The following EPHA2 variants were observed in gnomAD, a reference collection of about 807,000 sequenced individuals.
EPHA2 encodes the protein EPH receptor A2, also known as ephrin type-A receptor 2.
A neutral mutation model predicts 104.9 loss-of-function variants in EPHA2; 54 were observed. The ratio of observed to expected loss-of-function variants is 0.51; its 90% CI spans 0.41 to 0.65. EPHA2 has a LOEUF of 0.65. EPHA2 is among the 30% of genes least tolerant of loss of function. The pLI, the probability that EPHA2 is intolerant of heterozygous loss-of-function variation, is 0.00. For missense variants in EPHA2, 1,117 were observed against 1,369.5 expected, an observed-to-expected ratio of 0.82 and a Z score of 2.91; for synonymous variants, 560 against 559.1, an observed-to-expected ratio of 1.00 and a Z score of -0.02.
intron 9 of EPHA2, 120 bp downstream of exon 9, chr1:16,133,740 C>T: frequency 6.7e-7 from 1 of 1,485,804 alleles, no homozygotes; most frequent in East Asian, 2.5e-5. Flanking sequence ...CTCAGAGCTG[C>T]CCACGGAAGC....
Position 16,133,192 on chromosome 1 carries a change from C to T in EPHA2, c.2041G>A (p.Val681Ile), listed in dbSNP as rs140398645. ...SHHNIIRLEG[V>I]ISKYKPMMII... ...CCCCAAGCCTCACATTTGGAGATGACGCCCTCTAGGCGGATGATGTTGTGG... is the reference window on the plus strand; with the variant it reads ...CCCCAAGCCTCACATTTGGAGATGATGCCCTCTAGGCGGATGATGTTGTGG... Residue 681 changes from valine (V) to isoleucine (I), a missense_variant, in exon 11 of 17, where the codon GTC becomes ATC. Val to Ile is a conservative substitution (Grantham distance 29). This residue lies in a region of EPHA2 where 340 missense variants were observed against 480.5 expected (regional missense o/e 0.71). Coordinates refer to ENST00000358432, the MANE Select transcript of EPHA2 (RefSeq NM_004431.5). 9 of 1,613,312 alleles carry T rather than the reference C, an allele frequency of 5.6e-6. No individual in the cohort carries two copies. Among genetic ancestry groups the T allele is most frequent in the African/African-American group, 2.7e-5 (2 of 74,836 alleles).
rs1001882676 is a variant in EPHA2 at position 16,131,310 on chromosome 1, T to C, written c.2475+411A>G. ...GAAATATTTACGGGGCTGGGTGCGGTGGCTTACCCCTGTAATCCCAGCACT... is the reference window on the plus strand; with the variant it reads ...GAAATATTTACGGGGCTGGGTGCGGCGGCTTACCCCTGTAATCCCAGCACT... On this transcript the variant is annotated intron_variant, in intron 14 of 16. Coordinates refer to ENST00000358432, the MANE Select transcript of EPHA2 (RefSeq NM_004431.5). This position sits in a 1 kb window ranked among gnomAD's most constrained non-coding sequence, Gnocchi z 5.2. Among the ~76,000 whole-genome samples, 1 of 152,192 alleles carries C rather than the reference T, an allele frequency of 6.6e-6. No individual in the cohort carries two copies. The highest frequency in any genetic ancestry group is 2.4e-5 in the African/African-American group (1 of 41,446).
At chr1:16,145,330 T>C (rs991338531) in intron 3 of EPHA2, among the ~76,000 whole-genome samples, 1 of 152,210 alleles carries the variant, frequency 6.6e-6, no homozygotes, top group African/African-American at 2.4e-5. Context: ...ACATAGTTCA[T>C]GGGAGCGCTC....
In EPHA2 at chr1:16,133,526, C is replaced by T; in HGVS notation, c.1819G>A (p.Glu607Lys). ...PNQAVLKFTT[E>K]IHPSCVTRQK... The stretch of plus-strand genomic sequence containing the variant: ...CGAGTGACACAGGATGGATGGATCT[C>T]GGTAGTGAACTTCAACACAGCCTGG... Residue 607 changes from glutamate to lysine, a missense_variant, in exon 10 of 17, where the codon GAG becomes AAG. Transcript: ENST00000358432. 6 of 1,614,094 alleles carry T rather than the reference C, an allele frequency of 3.7e-6. No individual in the cohort carries two copies. Among genetic ancestry groups the T allele is most frequent in the Non-Finnish European group, 5.1e-6 (6 of 1,179,984 alleles).
intron 1 of EPHA2, 77 bp downstream of exon 1, chr1:16,155,771 G>T: frequency 1.7e-6 from 2 of 1,174,274 alleles, no homozygotes; most frequent in South Asian, 2.1e-5. Context: ...TTCCAAAGTT[G>T]CGCGCGTCAA....
rs1370236437 is a variant in EPHA2 at position 16,133,463 on chromosome 1, G to T, written c.1864+18C>A. The T allele has an allele frequency of 6.2e-7, 1 of 1,614,070 alleles. No homozygotes were observed. The highest frequency in any genetic ancestry group is 1.3e-5 in the African/African-American group (1 of 75,030). On this transcript the variant is annotated intron_variant, in intron 10 of 16. Coordinates refer to ENST00000358432, the MANE Select transcript of EPHA2 (RefSeq NM_004431.5). ...ACCGCTGCCTCCTCAGGGCCCCTTG[G>T]CAGGGGGCCAACCTCACCTGCTCCG...
At position 16,148,530 on chromosome 1, in the gene EPHA2, G is replaced by T; in HGVS notation, c.671C>A (p.Ala224Asp). 6.2e-7 allele frequency: 1 copy of T among 1,613,570 alleles called. No individual in the cohort carries two copies. The change falls in exon 3 of 17, where the codon GCC becomes GAC. Residue 224 changes from alanine (A) to aspartate (D), a missense_variant. Ala to Asp is a moderately radical substitution (Grantham distance 126). Coordinates refer to ENST00000358432, the MANE Select transcript of EPHA2 (RefSeq NM_004431.5). The surrounding 1 kb of genome is among the most constrained non-coding windows in gnomAD (Gnocchi z 4.9). ...TIAGSDAPSLATVAGTCVDHA... is the reference protein window; with the variant it reads ...TIAGSDAPSLDTVAGTCVDHA... ...GTCCACACAGGTGCCGGCCACAGTG[G>T]CCAGGGAAGGTGCATCAGAGCCGGC...
intron 15 of EPHA2, 139 bp from the exon 16 acceptor site, chr1:16,129,728 G>C (rs1419794389): frequency 8.6e-7 from 1 of 1,166,276 alleles, no homozygotes; most frequent in East Asian, 2.6e-5. Context: ...GGGAAGCCCA[G>C]TCAAGTAGGG....
chr1:16,153,973 C>A (rs1411288487), intron 1 of EPHA2, among the ~76,000 whole-genome samples: 1 of 151,880 alleles, frequency 6.6e-6, no homozygotes, highest in Non-Finnish European at 1.5e-5. Flanking sequence ...CAAAAATGTA[C>A]CCCCACCCCA....
rs1482223948 is a variant in EPHA2, at chr1:16,150,138, T to C, written c.153+758A>G. ...AGCTAGGGTGACCGGGGACAAGAAC[T>C]CGACTCATGCAGATCTGGCCAGCTC... On this transcript the variant is annotated intron_variant, in intron 2 of 16. Transcript: ENST00000358432. The surrounding 1 kb of genome is among the most constrained non-coding windows in gnomAD (Gnocchi z 4.8). Among the ~76,000 whole-genome samples the C allele has an allele frequency of 6.6e-6, 1 of 152,072 alleles. No individual in the cohort carries two copies. The highest frequency in any genetic ancestry group is 2.4e-5 in the African/African-American group (1 of 41,392).
intron 16 of EPHA2, among the ~76,000 whole-genome samples, chr1:16,127,144 G>A (rs2024485112): frequency 6.6e-6 from 1 of 152,144 alleles, no homozygotes; most frequent in South Asian, 2.1e-4. Flanking sequence ...GGTGCAGGGA[G>A]ACGGGAGTAA....
chr1:16,135,905 C>A lies in EPHA2; in HGVS notation c.1313-135G>T. On this transcript the variant is annotated intron_variant, in intron 5 of 16. Transcript: ENST00000358432. The surrounding 1 kb of genome is among the most constrained non-coding windows in gnomAD (Gnocchi z 4.3). The stretch of plus-strand genomic sequence containing the variant: ...CATTTTTTTGAGACAGGATCTCGCT[C>A]TCTCACCCAGGCTCGAGTGCAGTGG... The A allele has an allele frequency of 1.6e-6, 1 of 615,496 alleles. No individual in the cohort carries two copies. The highest frequency in any genetic ancestry group is 3.0e-6 in the Non-Finnish European group (1 of 337,878). The allele number at this position is 615,496 out of a possible 1,614,324, so 38.1% of individuals were successfully genotyped here. A position where few individuals can be genotyped will look rare whatever the true frequency, so the allele number is the denominator to read the frequency against.
intron 3 of EPHA2, among the ~76,000 whole-genome samples, chr1:16,146,010 G>A (rs970598680): frequency 6.6e-6 from 1 of 152,124 alleles, no homozygotes; most frequent in Non-Finnish European, 1.5e-5. Flanking sequence ...CCTGCCCCTC[G>A]GACGACACCC....
At chr1:16,145,877 T>C (rs1235439120) in intron 3 of EPHA2, among the ~76,000 whole-genome samples, 1 of 152,226 alleles carries the variant, frequency 6.6e-6, no homozygotes, top group Non-Finnish European at 1.5e-5. Context: ...CAGGCAAGCC[T>C]CTTTAGCTCT....
At chr1:16,153,885 T>C (rs1319554385) in intron 1 of EPHA2, among the ~76,000 whole-genome samples, 1 of 152,004 alleles carries the variant, frequency 6.6e-6, no homozygotes, top group Non-Finnish European at 1.5e-5. Flanking sequence ...AACCAGCAGC[T>C]GCCAGCTAGG....
intron 5 of EPHA2, among the ~76,000 whole-genome samples, chr1:16,137,145 C>T (rs2024727759): frequency 6.6e-6 from 1 of 152,074 alleles, no homozygotes; most frequent in Non-Finnish European, 1.5e-5. Context: ...AACATTGAGG[C>T]CCAGAGAGGT....
At chr1:16,151,916 C>T (rs2025045539) in intron 1 of EPHA2, among the ~76,000 whole-genome samples, 1 of 152,192 alleles carries the variant, frequency 6.6e-6, no homozygotes, top group African/African-American at 2.4e-5. Context: ...TGCCATTGGG[C>T]ACCTCCCACT....
At chr1:16,147,257 G>A (rs1348801377) in intron 3 of EPHA2, among the ~76,000 whole-genome samples, 1 of 152,206 alleles carries the variant, frequency 6.6e-6, no homozygotes, top group Non-Finnish European at 1.5e-5. Flanking sequence ...ATCTATAGAG[G>A]CCCCAGTGGA....
intron 1 of EPHA2, among the ~76,000 whole-genome samples, chr1:16,154,386 C>T (rs1051798891): frequency 1.3e-5 from 2 of 152,250 alleles, no homozygotes; most frequent in Middle Eastern, 3.4e-3. Context: ...CACTGCCCAA[C>T]GGCTCCAGAT....
Sources: gnomAD v4.1 joint callset for allele counts (sites outside exome capture counted in the v4.1 genomes callset) on GRCh38, gnomAD v4.1.1 for gene constraint, gnomAD v4.1.1 regional missense constraint, Gnocchi (gnomAD v3.1) non-coding constraint, MANE v1.5 for transcripts, NCBI Gene and HGNC (gene_info 2026-07-23, HGNC 2026-07-21) for gene names.